PTPRD: variants seen among roughly 807,000 people sequenced by gnomAD.
PTPRD encodes receptor-type tyrosine-protein phosphatase delta.
In PTPRD, 34 loss-of-function variants were observed where a neutral mutation model predicts 214.5. The ratio of observed to expected loss-of-function variants is 0.16; its 90% CI spans 0.12 to 0.21. PTPRD has a LOEUF of 0.21. PTPRD is among the 10% of genes least tolerant of loss of function. The probability of loss-of-function intolerance (pLI) is 1.00; values close to 1 mark genes in which losing one functional copy is unlikely to be tolerated. For synonymous variants in PTPRD, 1,128 were observed against 845.7 expected, an observed-to-expected ratio of 1.33 and a Z score of -5.79; for missense variants, 2,545 against 2,398.7, an observed-to-expected ratio of 1.06 and a Z score of -1.27.
At chr9:8,527,472 T>A (rs2139379062) in intron 15 of PTPRD, 119 bp from the exon 16 acceptor site, 1 of 857,946 alleles carries the variant, frequency 1.2e-6, no homozygotes, top group Non-Finnish European at 1.9e-6. Flanking sequence ...ATGTTACATG[T>A]GAATAATTAA....
Position 9,200,714 on chromosome 9 carries a change from T to C in PTPRD, c.-202-17351A>G, listed in dbSNP as rs867940726. Among the ~76,000 whole-genome samples, 6 of 152,186 alleles carry C rather than the reference T, an allele frequency of 3.9e-5. No homozygotes were observed. The South Asian group carries it at 1.0e-3, about 26-fold the overall frequency. ...AGAGATCTGCTAAAAGTGGATTCCT[T>C]AAGAGGTATCAAGAAATACCCTGGA... On this transcript the variant is annotated intron_variant, in intron 9 of 45. Transcript: ENST00000381196.
chr9:10,538,271 T>TA (rs988965805), intron 2 of PTPRD, among the ~76,000 whole-genome samples: 2 of 148,108 alleles, frequency 1.4e-5, no homozygotes, highest in African/African-American at 5.0e-5. Flanking sequence ...AATAAATAAA[T>TA]AAATAAATAA....
intron 39 of PTPRD, among the ~76,000 whole-genome samples, chr9:8,361,710 T>C (rs959357411): frequency 6.6e-6 from 1 of 152,190 alleles, no homozygotes; most frequent in African/African-American, 2.4e-5. Context: ...GCCTGGAATG[T>C]TGATAATTGA....
chr9:9,438,791 T>C (rs1340883428), intron 8 of PTPRD, among the ~76,000 whole-genome samples: 1 of 152,226 alleles, frequency 6.6e-6, no homozygotes, highest in African/African-American at 2.4e-5. Flanking sequence ...ATAATTAATG[T>C]ATGTGAGTAC....
intron 11 of PTPRD, among the ~76,000 whole-genome samples, chr9:8,791,250 G>A (rs1177344745): frequency 6.6e-6 from 1 of 152,020 alleles, no homozygotes; most frequent in East Asian, 1.9e-4. Flanking sequence ...TTTTGAGACA[G>A]AGTCTCGCTC....
chr9:8,908,713 A>G (rs532092963), intron 11 of PTPRD, among the ~76,000 whole-genome samples: 1 of 151,722 alleles, frequency 6.6e-6, no homozygotes, highest in Non-Finnish European at 1.5e-5. Context: ...TTAAACCCCA[A>G]AACAAACATA....
At chr9:8,359,426 G>A (rs1406032174) in intron 39 of PTPRD, among the ~76,000 whole-genome samples, 1 of 151,802 alleles carries the variant, frequency 6.6e-6, no homozygotes, top group Non-Finnish European at 1.5e-5. Flanking sequence ...CCAGGTTCAA[G>A]CAATTCTCTT....
At chr9:9,738,306 G>C (rs1298378812) in intron 6 of PTPRD, among the ~76,000 whole-genome samples, 1 of 152,048 alleles carries the variant, frequency 6.6e-6, no homozygotes, top group Non-Finnish European at 1.5e-5. Flanking sequence ...ATGGTGGAAT[G>C]TGATGGATCT....
chr9:9,852,306 T>C (rs2060699341), intron 5 of PTPRD, among the ~76,000 whole-genome samples: 2 of 152,110 alleles, frequency 1.3e-5, no homozygotes, highest in South Asian at 2.1e-4. Flanking sequence ...AATAAAAAAT[T>C]CTGTAGGCCA....
At chr9:9,940,340 C>G (rs1347887747) in intron 4 of PTPRD, among the ~76,000 whole-genome samples, 1 of 152,106 alleles carries the variant, frequency 6.6e-6, no homozygotes, top group Non-Finnish European at 1.5e-5. Flanking sequence ...TGGGACAAAC[C>G]TCACTGGAAG....
intron 7 of PTPRD, among the ~76,000 whole-genome samples, chr9:9,660,296 G>A (rs1002758479): frequency 2.0e-5 from 3 of 151,892 alleles, no homozygotes; most frequent in African/African-American, 7.2e-5. Context: ...CACATTAACA[G>A]AACATCTCCT....
intron 8 of PTPRD, among the ~76,000 whole-genome samples, chr9:9,470,603 T>C (rs892971289): frequency 2.6e-5 from 4 of 152,226 alleles, no homozygotes; most frequent in African/African-American, 4.8e-5. Flanking sequence ...GCAGCTGTCC[T>C]CTTTTCCAAT....
rs149262648 is a variant in PTPRD at position 9,192,365 on chromosome 9, C to T, written c.-202-9002G>A. On this transcript the variant is annotated intron_variant, in intron 9 of 45. Transcript: ENST00000381196. ...AATACAGTGAAGCATGAGCCCCAAG[C>T]GAGGGACCTGCTTTGGTAGTAGGCT... 1.1e-3 allele frequency among the ~76,000 whole-genome samples: 164 copies of T among 152,126 alleles called. 2 individuals carry two copies. In the East Asian group the frequency reaches 0.029, roughly 27 times the overall value.
chr9:8,428,443 T>C (rs961339723), intron 35 of PTPRD, among the ~76,000 whole-genome samples: 1 of 152,192 alleles, frequency 6.6e-6, no homozygotes, highest in Non-Finnish European at 1.5e-5. Flanking sequence ...CAAACCACCA[T>C]AATTTGTTCT....
chr9:9,431,115 C>T lies in PTPRD; in HGVS notation c.-236-33633G>A, dbSNP rs1018196014. Among the ~76,000 whole-genome samples, 45 of 152,282 alleles carry T rather than the reference C, an allele frequency of 3.0e-4. 1 individual carries two copies. The highest frequency in any genetic ancestry group is 1.0e-3 in the African/African-American group (42 of 41,548). ...AGAAACTACCATCAGAGTGAACAGGCAACCTACAGAATGGGAGAAAATGTT... is the reference window on the plus strand; with the variant it reads ...AGAAACTACCATCAGAGTGAACAGGTAACCTACAGAATGGGAGAAAATGTT... On this transcript the variant is annotated intron_variant, in intron 8 of 45. Coordinates refer to ENST00000381196, the MANE Select transcript of PTPRD (RefSeq NM_002839.4).
intron 12 of PTPRD, among the ~76,000 whole-genome samples, chr9:8,732,071 A>G (rs1244214957): frequency 6.6e-6 from 1 of 152,240 alleles, no homozygotes; most frequent in East Asian, 1.9e-4. Context: ...ACAGCATAAG[A>G]AGTGTGATGA....
intron 8 of PTPRD, among the ~76,000 whole-genome samples, chr9:9,520,022 T>G (rs1569568970): frequency 4.6e-5 from 7 of 151,970 alleles, no homozygotes. Context: ...TAGACTTTCT[T>G]TAGAATAAAG....
intron 3 of PTPRD, among the ~76,000 whole-genome samples, chr9:10,306,538 T>C (rs1390359662): frequency 6.6e-6 from 1 of 152,106 alleles, no homozygotes; most frequent in Non-Finnish European, 1.5e-5. Context: ...TGCGATACAA[T>C]ATATAGAAAC....
intron 5 of PTPRD, among the ~76,000 whole-genome samples, chr9:9,917,420 C>G (rs2081236701): frequency 1.4e-5 from 2 of 142,578 alleles, no homozygotes; most frequent in Admixed American, 1.4e-4. Context: ...AACAACTACA[C>G]TCCAATACAT....
Sources: gnomAD v4.1 joint callset for allele counts (sites outside exome capture counted in the v4.1 genomes callset) on GRCh38, gnomAD v4.1.1 for gene constraint, MANE v1.5 for transcripts, NCBI Gene and HGNC (gene_info 2026-07-23, HGNC 2026-07-21) for gene names.